PITPNA: variants seen among roughly 807,000 people sequenced by gnomAD.
PITPNA encodes phosphatidylinositol transfer protein alpha, also known as phosphatidylinositol transfer protein alpha isoform.
Under a neutral mutation model 50.3 loss-of-function variants are expected in PITPNA, and 13 were observed. The ratio of observed to expected loss-of-function variants is 0.26; its 90% CI spans 0.17 to 0.41. The LOEUF (loss-of-function observed/expected upper bound fraction) is 0.41. PITPNA is among the 10% of genes least tolerant of loss of function. The probability of loss-of-function intolerance (pLI) is 1.00; values close to 1 mark genes in which losing one functional copy is unlikely to be tolerated. For missense variants in PITPNA, 207 were observed against 333.4 expected, an observed-to-expected ratio of 0.62 and a Z score of 2.95; for synonymous variants, 120 against 119.6, an observed-to-expected ratio of 1.00 and a Z score of -0.02.
At chr17:1,541,709 T>G (rs1450514027) in intron 5 of PITPNA, 69 bp from the exon 6 acceptor site, 3 of 958,230 alleles carry the variant, frequency 3.1e-6, no homozygotes, top group Non-Finnish European at 5.0e-6. Flanking sequence ...CTCCCATTAC[T>G]GGAGATGGGC....
chr17:1,540,106 C>T (rs1476658449), intron 6 of PITPNA, among the ~76,000 whole-genome samples: 1 of 152,192 alleles, frequency 6.6e-6, no homozygotes, highest in East Asian at 1.9e-4. Flanking sequence ...TTTACGGTGC[C>T]CACACCATTT....
intron 4 of PITPNA, among the ~76,000 whole-genome samples, chr17:1,545,008 T>G (rs1468853310): frequency 6.6e-6 from 1 of 151,956 alleles, no homozygotes; most frequent in African/African-American, 2.4e-5. Context: ...ATAAAAAAAT[T>G]TAAAATAAAT....
At chr17:1,540,582 C>A (rs944036344) in intron 6 of PITPNA, among the ~76,000 whole-genome samples, 2 of 150,372 alleles carry the variant, frequency 1.3e-5, no homozygotes, top group African/African-American at 2.4e-5. Context: ...ACTAACGGGC[C>A]TTTTTTTTCT....
At position 1,518,899 on chromosome 17, in the gene PITPNA, C is replaced by T. The variant is rs2075491264; in HGVS notation, c.*1662G>A. 6.6e-6 allele frequency: 1 copy of T among 152,192 alleles called. No individual in the cohort carries two copies. The highest frequency in any genetic ancestry group is 1.5e-5 in the Non-Finnish European group (1 of 68,044). 9.4% of individuals were successfully genotyped at this position (152,192 alleles called of 1,614,324 possible). A position where few individuals can be genotyped will look rare whatever the true frequency, so the allele number is the denominator to read the frequency against. On this transcript the variant is annotated 3_prime_UTR_variant, in exon 12 of 12. Coordinates refer to ENST00000313486, the MANE Select transcript of PITPNA (RefSeq NM_006224.4). ...ATGCTACCAGCAGTTGAGATGCTAC[C>T]CAGATGCATTACTAAAGACCCCTCA...
In PITPNA at chr17:1,520,416, T is replaced by A. The variant is rs557951047; in HGVS notation, c.*145A>T. On this transcript the variant is annotated 3_prime_UTR_variant, in exon 12 of 12. Transcript: ENST00000313486. Reference sequence around the variant, plus strand: ...CACAATACTGAAGGGCATCTAGAATTAGCTACAGTAAGGAATCGAAAGTTG... The same window carrying A: ...CACAATACTGAAGGGCATCTAGAATAAGCTACAGTAAGGAATCGAAAGTTG... 2 of 152,594 alleles carry A rather than the reference T, an allele frequency of 1.3e-5. No homozygotes were observed. Among genetic ancestry groups the A allele is most frequent in the South Asian group, 4.2e-4 (2 of 4,808 alleles). The allele number at this position is 152,594 out of a possible 1,614,324, so 9.5% of individuals were successfully genotyped here.
chr17:1,551,919 C>T (rs1253881403), intron 3 of PITPNA, among the ~76,000 whole-genome samples: 4 of 151,518 alleles, frequency 2.6e-5, no homozygotes, highest in East Asian at 1.9e-4. Context: ...GACTCCTCCC[C>T]GCTGGACAGC....
At chr17:1,539,486 C>G (rs1311982112) in intron 6 of PITPNA, among the ~76,000 whole-genome samples, 1 of 147,794 alleles carries the variant, frequency 6.8e-6, no homozygotes, top group Non-Finnish European at 1.5e-5. Flanking sequence ...GAGTGATCCT[C>G]CTCTCTCAGT....
intron 2 of PITPNA, among the ~76,000 whole-genome samples, chr17:1,557,320 T>C (rs1288408273): frequency 6.6e-6 from 1 of 152,204 alleles, no homozygotes; most frequent in East Asian, 1.9e-4. Context: ...CAACTAAATG[T>C]GCTGCAGGCT....
chr17:1,525,443 A>T (rs2075541634), intron 10 of PITPNA, among the ~76,000 whole-genome samples: 1 of 151,940 alleles, frequency 6.6e-6, no homozygotes, highest in South Asian at 2.1e-4. Flanking sequence ...AGTCACTGAA[A>T]ATTTAATACT....
chr17:1,537,317 C>T (rs188048623), intron 7 of PITPNA, among the ~76,000 whole-genome samples: 23 of 152,194 alleles, frequency 1.5e-4, no homozygotes, highest in South Asian at 8.3e-4. Context: ...CCCACCTTGG[C>T]GTCCCAAAGT....
At chr17:1,529,280 T>C (rs1002142559) in intron 10 of PITPNA, among the ~76,000 whole-genome samples, 2 of 152,024 alleles carry the variant, frequency 1.3e-5, no homozygotes, top group Non-Finnish European at 2.9e-5. Flanking sequence ...CCCAGCACTT[T>C]GGGAGGCCGA....
chr17:1,544,563 C>G (rs1393341472), intron 4 of PITPNA, among the ~76,000 whole-genome samples: 2 of 152,196 alleles, frequency 1.3e-5, no homozygotes, highest in Non-Finnish European at 2.9e-5. Flanking sequence ...AAACTGTAAC[C>G]CAAAGTACAC....
At chr17:1,546,387 G>T (rs1158340035) in intron 4 of PITPNA, among the ~76,000 whole-genome samples, 1 of 152,152 alleles carries the variant, frequency 6.6e-6, no homozygotes, top group Non-Finnish European at 1.5e-5. Flanking sequence ...CCTGATACAA[G>T]GTCCCTGAAC....
Position 1,535,508 on chromosome 17 carries a change from G to A in PITPNA, c.467C>T (p.Ala156Val), listed in dbSNP as rs762147060. The change falls in exon 8 of 12, where the codon GCA becomes GTA. Residue 156 changes from alanine to valine, a missense_variant. Physicochemically the swap from Ala to Val is moderately conservative, Grantham distance 64. Coordinates refer to ENST00000313486, the MANE Select transcript of PITPNA (RefSeq NM_006224.4). ...RSQVLSKDYKAEEDPAKFKSI... is the reference protein window; with the variant it reads ...RSQVLSKDYKVEEDPAKFKSI... ...TTTAAATTTTGCTGGGTCTTCCTCT[G>A]CCTTGTAATCCTGAGAGAAATTGTG... 1.9e-6 allele frequency: 3 copies of A among 1,611,754 alleles called. No homozygotes were observed. The South Asian group carries it at 3.3e-5, about 18-fold the overall frequency.
At chr17:1,522,107 C>A (rs998352333) in intron 10 of PITPNA, among the ~76,000 whole-genome samples, 1 of 149,536 alleles carries the variant, frequency 6.7e-6, no homozygotes, top group Non-Finnish European at 1.5e-5. Context: ...CTCTGCCGCC[C>A]AGGCCGGACT....
intron 10 of PITPNA, among the ~76,000 whole-genome samples, chr17:1,522,173 G>T (rs999377453): frequency 2.0e-5 from 3 of 150,340 alleles, no homozygotes; most frequent in African/African-American, 7.4e-5. Context: ...CCGGGTTCAC[G>T]CCATTCTCCT....
chr17:1,552,082 C>G (rs2075712782), intron 3 of PITPNA, among the ~76,000 whole-genome samples: 1 of 152,246 alleles, frequency 6.6e-6, no homozygotes, highest in Admixed American at 6.5e-5. Flanking sequence ...TGACAGACCA[C>G]AGTGAAGTGG....
In PITPNA at chr17:1,549,577, A is replaced by C. The variant is rs2075697681; in HGVS notation, c.198-1190T>G. On this transcript the variant is annotated intron_variant, in intron 3 of 11. Coordinates refer to ENST00000313486, the MANE Select transcript of PITPNA (RefSeq NM_006224.4). ...ATGATCTGCCCGCCTCAGCCTCCCAAAGTGCTGAGATTACAGTGGCGTGAG... is the reference window on the plus strand; with the variant it reads ...ATGATCTGCCCGCCTCAGCCTCCCACAGTGCTGAGATTACAGTGGCGTGAG... 1.4e-5 allele frequency among the ~76,000 whole-genome samples: 2 copies of C among 138,586 alleles called. 1 individual carries two copies. The highest frequency in any genetic ancestry group is 1.6e-4 in the Admixed American group (2 of 12,902). 90.9% of individuals were successfully genotyped at this position (138,586 alleles called of 152,430 possible).
chr17:1,555,688 A>C (rs1299985608), intron 2 of PITPNA, among the ~76,000 whole-genome samples: 1 of 152,232 alleles, frequency 6.6e-6, no homozygotes, highest in African/African-American at 2.4e-5. Flanking sequence ...AACACGTCAT[A>C]AACAACAGTA....
Sources: gnomAD v4.1 joint callset for allele counts (sites outside exome capture counted in the v4.1 genomes callset) on GRCh38, gnomAD v4.1.1 for gene constraint, MANE v1.5 for transcripts, NCBI Gene and HGNC (gene_info 2026-07-23, HGNC 2026-07-21) for gene names.